PAPSS1: variants seen among roughly 807,000 people sequenced by gnomAD.
PAPSS1 encodes the protein bifunctional 3'-phosphoadenosine 5'-phosphosulfate synthase 1.
Under a neutral mutation model 72.0 loss-of-function variants are expected in PAPSS1, and 50 were observed. That is an observed-to-expected ratio of 0.69 (90% CI 0.55 to 0.88). The LOEUF (loss-of-function observed/expected upper bound fraction) is 0.88, where lower values mean the gene tolerates loss of function less well. PAPSS1 is among the 40% of genes least tolerant of loss of function. The probability of loss-of-function intolerance (pLI) is 0.00; values close to 1 mark genes in which losing one functional copy is unlikely to be tolerated. For synonymous variants in PAPSS1, 261 were observed against 263.6 expected (o/e 0.99, Z 0.09); for missense variants, 657 against 782.2 (o/e 0.84, Z 1.91).
At chr4:107,677,563 T>C (rs567912336) in intron 5 of PAPSS1, among the ~76,000 whole-genome samples, 20 of 152,074 alleles carry the variant, frequency 1.3e-4, no homozygotes, top group African/African-American at 4.1e-4. Flanking sequence ...TGTGGAGAAA[T>C]AGGAACACTT....
At chr4:107,712,405 T>A (rs898150970) in intron 1 of PAPSS1, among the ~76,000 whole-genome samples, 4 of 152,224 alleles carry the variant, frequency 2.6e-5, no homozygotes, top group Non-Finnish European at 4.4e-5. Flanking sequence ...TCACCACACA[T>A]ACAAGGGAGG....
At chr4:107,638,186 G>A (rs1179642636) in intron 10 of PAPSS1, among the ~76,000 whole-genome samples, 1 of 152,148 alleles carries the variant, frequency 6.6e-6, no homozygotes, top group African/African-American at 2.4e-5. Context: ...AGTCTCATGA[G>A]AGTCACATTT....
chr4:107,694,656 T>C (rs777055917), intron 2 of PAPSS1, among the ~76,000 whole-genome samples: 2 of 152,146 alleles, frequency 1.3e-5, no homozygotes, highest in Non-Finnish European at 1.5e-5. Flanking sequence ...GTTACAAAGG[T>C]ACCTCCATTT....
intron 5 of PAPSS1, among the ~76,000 whole-genome samples, chr4:107,667,014 A>C (rs540566682): frequency 6.6e-6 from 1 of 152,108 alleles, no homozygotes; most frequent in African/African-American, 2.4e-5. Flanking sequence ...TCATGATGGG[A>C]ACTGGGACCA....
At chr4:107,623,406 C>T (rs536234524) in intron 11 of PAPSS1, among the ~76,000 whole-genome samples, 1 of 152,246 alleles carries the variant, frequency 6.6e-6, no homozygotes, top group Non-Finnish European at 1.5e-5. Context: ...TGATGTGCTG[C>T]TCTAGGAAGA....
At chr4:107,707,638 G>A (rs539668569) in intron 1 of PAPSS1, among the ~76,000 whole-genome samples, 1 of 152,198 alleles carries the variant, frequency 6.6e-6, no homozygotes, top group South Asian at 2.1e-4. Flanking sequence ...GCAGGCTGGG[G>A]GCAGTAATAT....
At position 107,614,355 on chromosome 4, in the gene PAPSS1, C is replaced by T. The variant is rs770488612; in HGVS notation, c.1769G>A (p.Arg590Gln). 9.9e-6 allele frequency: 16 copies of T among 1,613,470 alleles called. No homozygotes were observed. Among genetic ancestry groups the T allele is most frequent in the East Asian group, 2.2e-5 (1 of 44,860 alleles). ...HEDFEFISGT[R>Q]MRKLAREGQK... ...GCCTTCTCGAGCAAGTTTGCGCATT[C>T]GTGTTCCTGAAATAAATTCAAAGTC... The change falls in exon 12 of 12, where the codon CGA (arginine) becomes CAA (glutamine). Residue 590 changes from arginine (R) to glutamine (Q), a missense_variant. This residue lies in a region of PAPSS1 where 103 missense variants were observed against 93.8 expected (regional missense o/e 1.10). Coordinates refer to ENST00000265174, the MANE Select transcript of PAPSS1 (RefSeq NM_005443.5).
chr4:107,686,854 C>T (rs1054206362), intron 4 of PAPSS1, among the ~76,000 whole-genome samples, 185 bp downstream of exon 4: 1 of 152,162 alleles, frequency 6.6e-6, no homozygotes, highest in African/African-American at 2.4e-5. Flanking sequence ...CAACAAGACT[C>T]ATTTAGTCCA....
At chr4:107,682,160 A>G in intron 4 of PAPSS1, 27 bp from the exon 5 acceptor site, 1 of 1,106,690 alleles carries the variant, frequency 9.0e-7, no homozygotes, top group South Asian at 1.3e-5. Flanking sequence ...ATAATAGAGT[A>G]GGGTGGAAAA....
At chr4:107,685,063 G>A (rs914956806) in intron 4 of PAPSS1, among the ~76,000 whole-genome samples, 4 of 152,108 alleles carry the variant, frequency 2.6e-5, no homozygotes, top group Non-Finnish European at 5.9e-5. Flanking sequence ...CCGCCACCAT[G>A]CTGACTAATT....
intron 5 of PAPSS1, among the ~76,000 whole-genome samples, chr4:107,672,397 A>C (rs1369643725): frequency 6.6e-6 from 1 of 152,206 alleles, no homozygotes; most frequent in Admixed American, 6.5e-5. Context: ...CGGTCTTAGC[A>C]AACAGCACAC....
intron 11 of PAPSS1, among the ~76,000 whole-genome samples, chr4:107,629,038 A>G (rs1726168702): frequency 6.6e-6 from 1 of 152,208 alleles, no homozygotes; most frequent in Non-Finnish European, 1.5e-5. Context: ...ATCAAAAACA[A>G]CTATGCATGG....
In PAPSS1 at chr4:107,631,718, G is replaced by A; in HGVS notation, c.1649C>T (p.Pro550Leu). The A allele has an allele frequency of 6.2e-7, 1 of 1,614,132 alleles. No homozygotes were observed. Among genetic ancestry groups the A allele is most frequent in the Non-Finnish European group, 8.5e-7 (1 of 1,179,986 alleles). ...SHGAKVLTMA[P>L]GLITLEIVPF... is the part of the protein sequence containing the mutation. ...AACTATTTCCAAAGTGATTAAACCA[G>A]GGGCCATCGTCAGCACTTTGGCACC... is the stretch of plus-strand genomic sequence containing the variant. The change falls in exon 11 of 12, where the codon CCT becomes CTT. Residue 550 changes from proline (P) to leucine (L), a missense_variant. Pro to Leu is a moderately conservative substitution (Grantham distance 98). Transcript: ENST00000265174.
At chr4:107,679,701 C>T (rs1179063293) in intron 5 of PAPSS1, among the ~76,000 whole-genome samples, 2 of 145,662 alleles carry the variant, frequency 1.4e-5, no homozygotes, top group African/African-American at 5.1e-5. Flanking sequence ...TTTTTTGAGA[C>T]AGAATCTCGC....
intron 10 of PAPSS1, among the ~76,000 whole-genome samples, chr4:107,635,418 A>G (rs772785048): frequency 1.3e-5 from 2 of 152,228 alleles, no homozygotes; most frequent in Non-Finnish European, 2.9e-5. Flanking sequence ...AAAGAATTAA[A>G]GAGAAAAATA....
intron 11 of PAPSS1, among the ~76,000 whole-genome samples, chr4:107,621,858 G>T (rs1376106812): frequency 6.6e-6 from 1 of 151,426 alleles, no homozygotes; most frequent in African/African-American, 2.4e-5. Flanking sequence ...TTGATCTCCT[G>T]ACCTCGTAAT....
chr4:107,642,319 C>G (rs891306003), intron 10 of PAPSS1, among the ~76,000 whole-genome samples: 1 of 151,884 alleles, frequency 6.6e-6, no homozygotes, highest in Non-Finnish European at 1.5e-5. Context: ...AGCTCTGGAG[C>G]CAGATTACTT....
chr4:107,643,461 C>A (rs191927118), intron 10 of PAPSS1, among the ~76,000 whole-genome samples: 2 of 152,204 alleles, frequency 1.3e-5, no homozygotes, highest in African/African-American at 2.4e-5. Context: ...TCCACTGAGA[C>A]TGAACTGTAG....
chr4:107,696,517 G>A (rs1723067424), intron 2 of PAPSS1, among the ~76,000 whole-genome samples: 1 of 152,120 alleles, frequency 6.6e-6, no homozygotes. Flanking sequence ...AGCGGGAGCT[G>A]AACACATGGA....
Sources: allele counts gnomAD v4.1 joint callset (sites outside exome capture counted in the v4.1 genomes callset), GRCh38; gene constraint gnomAD v4.1.1; regional missense constraint gnomAD v4.1.1; transcripts MANE v1.5; gene names NCBI Gene and HGNC (gene_info 2026-07-23, HGNC 2026-07-21).